The following HRH1 variants were observed in gnomAD, a reference collection of about 807,000 sequenced individuals.
HRH1 encodes the protein histamine H1 receptor.
HRH1 carries 6 observed loss-of-function variants against 10.3 expected under a neutral mutation model. The ratio of observed to expected loss-of-function variants is 0.58; its 90% CI spans 0.32 to 1.15. The LOEUF is 1.15. HRH1 is among the 50% of genes most tolerant of loss of function. The pLI is 0.05. For missense variants in HRH1, 514 were observed against 615.3 expected (o/e 0.84, Z 1.74); for synonymous variants, 242 against 236.7 (o/e 1.02, Z -0.21).
chr3:11,159,247 CA>C (rs199859930), intron 1 of HRH1, among the ~76,000 whole-genome samples: 1 of 151,728 alleles, frequency 6.6e-6, no homozygotes, highest in Non-Finnish European at 1.5e-5. Context: ...GACTCTGTCT[CA>C]AAAAAACAAA....
chr3:11,145,190 G>C (rs767228573), intron 1 of HRH1, among the ~76,000 whole-genome samples: 6 of 152,050 alleles, frequency 3.9e-5, no homozygotes, highest in Non-Finnish European at 7.4e-5. Context: ...AACTCTGCGG[G>C]GCCTCCCTTG....
rs1939930289 is a variant in HRH1, at chr3:11,260,630, T to C, written c.*129T>C. ...AATCCAAACCACAGTCTTAGGGGCT[T>C]GGTAGTTTGGAAAGTTCTTAGGCAC... On this transcript the variant is annotated 3_prime_UTR_variant, in exon 2 of 2. Coordinates refer to ENST00000431010, the MANE Select transcript of HRH1 (RefSeq NM_001098212.2). 9 of 824,990 alleles carry C rather than the reference T, an allele frequency of 1.1e-5. No homozygotes were observed. The South Asian group carries it at 1.6e-4, about 15-fold the overall frequency. 51.1% of individuals were successfully genotyped at this position (824,990 alleles called of 1,614,324 possible).
chr3:11,182,472 A>G (rs1937376763), intron 1 of HRH1, among the ~76,000 whole-genome samples: 1 of 152,204 alleles, frequency 6.6e-6, no homozygotes, highest in African/African-American at 2.4e-5. Context: ...AGGGCCATAT[A>G]AGCCTCCAGA....
At chr3:11,145,612 G>A (rs1936423020) in intron 1 of HRH1, among the ~76,000 whole-genome samples, 1 of 152,090 alleles carries the variant, frequency 6.6e-6, no homozygotes, top group Non-Finnish European at 1.5e-5. Context: ...GGGACAATTT[G>A]CATATGGTAA....
In HRH1 at chr3:11,260,089, T is replaced by A. The variant is rs1479479507; in HGVS notation, c.1052T>A (p.Met351Lys). Residue 351 changes from methionine to lysine, a missense_variant, in exon 2 of 2, where the codon ATG becomes AAG. Physicochemically the swap from Met to Lys is moderately conservative, Grantham distance 95. Transcript: ENST00000431010. ...HGASEISEDQMLGDSQSFSRT... is the reference protein window; with the variant it reads ...HGASEISEDQKLGDSQSFSRT... Reference sequence around the variant, plus strand: ...GCCAGCGAGATATCAGAGGATCAGATGTTAGGTGATAGCCAATCCTTCTCT... The same window carrying A: ...GCCAGCGAGATATCAGAGGATCAGAAGTTAGGTGATAGCCAATCCTTCTCT... 1.9e-6 allele frequency: 3 copies of A among 1,613,878 alleles called. No homozygotes were observed. The Admixed American group carries it at 5.0e-5, about 27-fold the overall frequency.
At chr3:11,223,026 A>C (rs1938759548) in intron 1 of HRH1, among the ~76,000 whole-genome samples, 1 of 151,746 alleles carries the variant, frequency 6.6e-6, no homozygotes, top group Non-Finnish European at 1.5e-5. Context: ...CTCTACTAAA[A>C]ATACAAAAAT....
At chr3:11,196,160 A>G (rs1176508704) in intron 1 of HRH1, among the ~76,000 whole-genome samples, 2 of 152,218 alleles carry the variant, frequency 1.3e-5, no homozygotes, top group Admixed American at 1.3e-4. Context: ...CTGGAGGCAG[A>G]ACTCTCCACA....
chr3:11,251,040 C>T (rs967294912), intron 1 of HRH1, among the ~76,000 whole-genome samples: 6 of 152,186 alleles, frequency 3.9e-5, no homozygotes, highest in African/African-American at 4.8e-5. Flanking sequence ...CTGGTTGTAC[C>T]CATCTTCCCT....
At chr3:11,138,028 T>A (rs114457497) in intron 1 of HRH1, among the ~76,000 whole-genome samples, 1,695 of 152,154 alleles carry the variant, frequency 0.011, 40 homozygotes, top group African/African-American at 0.039. Context: ...GAACTCTTTT[T>A]TTTTTGAGAC....
Position 11,261,605 on chromosome 3 carries a change from G to GATTT in HRH1, c.*1104_*1105insATTT, listed in dbSNP as rs1235738802. 2 of 167,050 alleles carry GATTT rather than the reference G, an allele frequency of 1.2e-5. No homozygotes were observed. Among genetic ancestry groups the GATTT allele is most frequent in the Admixed American group, 6.5e-5 (1 of 15,290 alleles). The allele number at this position is 167,050 out of a possible 1,614,324, so 10.3% of individuals were successfully genotyped here. ...TAATCCCAGCATGTTGAGAGGCTGA[G>GATTT]GTGGGCAGATCATTTGAGGCCAGGA... On this transcript the variant is annotated 3_prime_UTR_variant, in exon 2 of 2. Transcript: ENST00000431010.
intron 1 of HRH1, among the ~76,000 whole-genome samples, chr3:11,173,403 T>C (rs1366015263): frequency 2.0e-5 from 3 of 150,698 alleles, no homozygotes; most frequent in Admixed American, 6.6e-5. Flanking sequence ...TTTTTTGTTT[T>C]GCTTTGTTTT....
At chr3:11,214,005 C>T (rs761234356) in intron 1 of HRH1, among the ~76,000 whole-genome samples, 5 of 151,886 alleles carry the variant, frequency 3.3e-5, no homozygotes, top group South Asian at 2.1e-4. Flanking sequence ...GGCCTGGGGC[C>T]GGGCAAGGGT....
chr3:11,153,562 T>C (rs1444199435), upstream of HRH1, among the ~76,000 whole-genome samples: 1 of 146,908 alleles, frequency 6.8e-6, no homozygotes, highest in Admixed American at 7.0e-5. Flanking sequence ...TGAGCTTAGG[T>C]GGTCCCTTCG....
intron 1 of HRH1, among the ~76,000 whole-genome samples, chr3:11,196,898 G>A (rs769947955): frequency 3.6e-4 from 54 of 149,744 alleles, no homozygotes; most frequent in Non-Finnish European, 5.6e-4. Context: ...TCACGAGGTC[G>A]GGAGATCGAG....
upstream of HRH1, among the ~76,000 whole-genome samples, chr3:11,151,513 G>C (rs1388664855): frequency 6.6e-6 from 1 of 152,010 alleles, no homozygotes; most frequent in Non-Finnish European, 1.5e-5. Flanking sequence ...GGGCGGTGGT[G>C]GTGGGTACAG....
At chr3:11,145,409 C>T (rs1936416275) in intron 1 of HRH1, among the ~76,000 whole-genome samples, 1 of 152,166 alleles carries the variant, frequency 6.6e-6, no homozygotes, top group African/African-American at 2.4e-5. Context: ...GTTTAGCTGT[C>T]ACCTCCCACA....
chr3:11,143,231 GT>G (rs1468599738), intron 1 of HRH1, among the ~76,000 whole-genome samples: 1 of 152,192 alleles, frequency 6.6e-6, no homozygotes, highest in East Asian at 1.9e-4. Flanking sequence ...CCTCTGGAGG[GT>G]TTTTAGTAAG....
chr3:11,208,031 A>G (rs7625756), intron 1 of HRH1, among the ~76,000 whole-genome samples: 38,621 of 152,084 alleles, frequency 0.25, 5,058 homozygotes, highest in South Asian at 0.37. Flanking sequence ...TGAAGAATTT[A>G]AAACTGTGTT....
At chr3:11,186,188 G>C (rs936896592) in intron 1 of HRH1, among the ~76,000 whole-genome samples, 4 of 152,148 alleles carry the variant, frequency 2.6e-5, no homozygotes, top group Non-Finnish European at 5.9e-5. Context: ...CCTGTTTCTA[G>C]GGACCTACCT....
Sources: allele counts gnomAD v4.1 joint callset (sites outside exome capture counted in the v4.1 genomes callset), GRCh38; gene constraint gnomAD v4.1.1; transcripts MANE v1.5; gene names NCBI Gene and HGNC (gene_info 2026-07-23, HGNC 2026-07-21).